INPP5A: variants seen among roughly 807,000 people sequenced by gnomAD.
INPP5A encodes inositol polyphosphate-5-phosphatase A, also known as 43 kDa inositol polyphosphate 5-phophatase.
In INPP5A, 14 loss-of-function variants were observed where a neutral mutation model predicts 65.2. The ratio of observed to expected loss-of-function variants is 0.21; its 90% CI spans 0.14 to 0.34. The LOEUF (loss-of-function observed/expected upper bound fraction) is 0.34, where lower values mean the gene tolerates loss of function less well. Among genes scored for constraint, INPP5A ranks in the 10% least tolerant of loss-of-function variants. The pLI is 1.00. For synonymous variants in INPP5A, 207 were observed against 208.3 expected (o/e 0.99, Z 0.05); for missense variants, 431 against 545.6 (o/e 0.79, Z 2.09).
chr10:132,751,068 C>T (rs945882159), intron 11 of INPP5A, among the ~76,000 whole-genome samples: 1 of 152,224 alleles, frequency 6.6e-6, no homozygotes, highest in African/African-American at 2.4e-5. Context: ...ACGCTGCCAG[C>T]CCCGAGTCCC....
intron 9 of INPP5A, among the ~76,000 whole-genome samples, chr10:132,737,877 T>C (rs1424407222): frequency 6.6e-6 from 1 of 152,250 alleles, no homozygotes; most frequent in Non-Finnish European, 1.5e-5. Flanking sequence ...AATAAAATGT[T>C]ATACTTAATT....
intron 1 of INPP5A, among the ~76,000 whole-genome samples, chr10:132,540,544 T>G (rs906681422): frequency 6.6e-6 from 1 of 152,236 alleles, no homozygotes; most frequent in Non-Finnish European, 1.5e-5. Flanking sequence ...TCTCCTTCAG[T>G]GGAAACCAGC....
rs2073006186 is a variant in INPP5A at position 132,678,895 on chromosome 10, G to T, written c.307-11497G>T. On this transcript the variant is annotated intron_variant, in intron 4 of 15. Transcript: ENST00000368594. The surrounding 1 kb of genome is among the most constrained non-coding windows in gnomAD (Gnocchi z 4.1). ...GGGGTCCATGTGAGAAGCTGGAAAA[G>T]GGGAGGCAGCAGAGGTACCCTCCTG... Among the ~76,000 whole-genome samples the T allele has an allele frequency of 6.6e-6, 1 of 152,196 alleles. No homozygotes were observed. Among genetic ancestry groups the T allele is most frequent in the South Asian group, 2.1e-4 (1 of 4,818 alleles).
chr10:132,697,919 G>GGTAC lies in INPP5A; in HGVS notation c.474+4_474+7dup. 6.3e-7 allele frequency: 1 copy of GGTAC among 1,598,350 alleles called. No individual in the cohort carries two copies. The highest frequency in any genetic ancestry group is 8.6e-7 in the Non-Finnish European group (1 of 1,166,126). ...AGTTTCCGCAGGACTACTTCCCCGA[G>GGTAC]GTACGTAGCGAGGCTTTCTCACTGA... On this transcript the variant is annotated frameshift_variant and splice_region_variant. Transcript: ENST00000368594. LOFTEE classifies it high-confidence loss of function. The surrounding 1 kb of genome is among the most constrained non-coding windows in gnomAD (Gnocchi z 5.6).
intron 4 of INPP5A, among the ~76,000 whole-genome samples, chr10:132,660,978 G>A (rs991428735): frequency 1.7e-4 from 26 of 152,164 alleles, no homozygotes; most frequent in Non-Finnish European, 1.8e-4. Context: ...AAGAGAAGTA[G>A]GGTCAAACCC....
At chr10:132,735,607 G>T (rs1789103560) in intron 9 of INPP5A, among the ~76,000 whole-genome samples, 1 of 152,240 alleles carries the variant, frequency 6.6e-6, no homozygotes, top group South Asian at 2.1e-4. Context: ...GTCCTGGGCT[G>T]GTGGGGTCAT....
Position 132,596,978 on chromosome 10 carries a change from T to C in INPP5A, c.76-10937T>C, listed in dbSNP as rs553884091. Reference sequence around the variant, plus strand: ...ACACATGTGTGCGTGTGTGCATGCGTGTGTGCATGCACGTGTGTTTGTGTG... The same window carrying C: ...ACACATGTGTGCGTGTGTGCATGCGCGTGTGCATGCACGTGTGTTTGTGTG... On this transcript the variant is annotated intron_variant, in intron 1 of 15. Transcript: ENST00000368594. Among the ~76,000 whole-genome samples, 4 of 150,910 alleles carry C rather than the reference T, an allele frequency of 2.7e-5. No homozygotes were observed. In the East Asian group the frequency reaches 7.8e-4, roughly 29 times the overall value.
intron 1 of INPP5A, among the ~76,000 whole-genome samples, chr10:132,564,391 A>C (rs566174379): frequency 6.6e-6 from 1 of 151,992 alleles, no homozygotes; most frequent in African/African-American, 2.4e-5. Context: ...GTGGGCTTGG[A>C]GGCCCTGACC....
chr10:132,754,352 G>T (rs1846552161), intron 11 of INPP5A, among the ~76,000 whole-genome samples: 1 of 152,218 alleles, frequency 6.6e-6, no homozygotes, highest in Admixed American at 6.5e-5. Flanking sequence ...GCAGGCCCAG[G>T]CCAGGACACC....
chr10:132,557,432 C>T (rs559419769), intron 1 of INPP5A, among the ~76,000 whole-genome samples: 2 of 152,372 alleles, frequency 1.3e-5, no homozygotes, highest in South Asian at 2.1e-4. Flanking sequence ...TGCAGAGTCA[C>T]GAGGGGGGTT....
rs946396426 is a variant in INPP5A, at chr10:132,550,671, TG to T, written c.75+12505del. On this transcript the variant is annotated intron_variant, in intron 1 of 15. Transcript: ENST00000368594. The surrounding 1 kb of genome is among the most constrained non-coding windows in gnomAD (Gnocchi z 4.2). Reference sequence around the variant, plus strand: ...ACGTCCACTGTAGGACAGCTGGGAGTGGGGGTGTCTGGCTATTTCACTATTA... The same window carrying T: ...ACGTCCACTGTAGGACAGCTGGGAGTGGGGTGTCTGGCTATTTCACTATTA... Among the ~76,000 whole-genome samples the T allele has an allele frequency of 1.3e-5, 2 of 151,650 alleles. No individual in the cohort carries two copies. Among genetic ancestry groups the T allele is most frequent in the Middle Eastern group, 3.4e-3 (1 of 294 alleles).
intron 1 of INPP5A, among the ~76,000 whole-genome samples, chr10:132,574,997 G>A (rs1380560855): frequency 6.6e-6 from 1 of 152,140 alleles, no homozygotes; most frequent in Non-Finnish European, 1.5e-5. Context: ...CCCACCTGAC[G>A]ATAGAAACGC....
At chr10:132,540,412 TC>T (rs2070892728) in intron 1 of INPP5A, among the ~76,000 whole-genome samples, 1 of 152,262 alleles carries the variant, frequency 6.6e-6, no homozygotes, top group South Asian at 2.1e-4. Context: ...TTTGTTTAGG[TC>T]AACAGTACAT....
chr10:132,642,605 C>T (rs4880419), intron 2 of INPP5A, among the ~76,000 whole-genome samples: 54,787 of 152,092 alleles, frequency 0.36, 11,630 homozygotes, highest in East Asian at 0.77. Context: ...CCTGTCACTC[C>T]GGGAGCAGGG....
At chr10:132,635,438 C>T (rs1397336377) in intron 2 of INPP5A, among the ~76,000 whole-genome samples, 2 of 104,378 alleles carry the variant, frequency 1.9e-5, no homozygotes, top group Non-Finnish European at 3.5e-5. Flanking sequence ...CTCTGTTGCC[C>T]AGGCTGGAGT....
intron 9 of INPP5A, among the ~76,000 whole-genome samples, chr10:132,738,665 G>A (rs1846220776): frequency 6.6e-6 from 1 of 152,246 alleles, no homozygotes; most frequent in Non-Finnish European, 1.5e-5. Flanking sequence ...TTCCATGCGC[G>A]CTGTGTCCGA....
At chr10:132,699,047 T>C (rs193055569) in intron 6 of INPP5A, among the ~76,000 whole-genome samples, 132 of 152,312 alleles carry the variant, frequency 8.7e-4, no homozygotes, top group East Asian at 6.6e-3. Context: ...GCACCGCCCG[T>C]TTGCCTCCCT....
At chr10:132,769,429 G>A (rs895674695) in intron 12 of INPP5A, among the ~76,000 whole-genome samples, 14 of 152,314 alleles carry the variant, frequency 9.2e-5, no homozygotes, top group East Asian at 5.8e-4. Flanking sequence ...TCTCCCGGGC[G>A]GGACCCTGAG....
chr10:132,773,271 T>TG (rs1253073456), intron 12 of INPP5A, among the ~76,000 whole-genome samples: 1 of 152,168 alleles, frequency 6.6e-6, no homozygotes, highest in African/African-American at 2.4e-5. Context: ...GCAGGTCCAG[T>TG]GGGAAAAAAT....
Sources: gnomAD v4.1 joint callset for allele counts (sites outside exome capture counted in the v4.1 genomes callset) on GRCh38, gnomAD v4.1.1 for gene constraint, Gnocchi (gnomAD v3.1) non-coding constraint, MANE v1.5 for transcripts, NCBI Gene and HGNC (gene_info 2026-07-23, HGNC 2026-07-21) for gene names.